The following PLXDC2 variants were observed in gnomAD, a reference collection of about 807,000 sequenced individuals.
The protein encoded by PLXDC2 is plexin domain containing 2.
In PLXDC2, 40 loss-of-function variants were observed where a neutral mutation model predicts 68.9. The observed-to-expected ratio is 0.58, with a 90% confidence interval of 0.45 to 0.76. The LOEUF (loss-of-function observed/expected upper bound fraction) is 0.76. Ranked by LOEUF, PLXDC2 falls within the 30% of genes least tolerant of loss-of-function variation. The pLI, the probability that PLXDC2 is intolerant of heterozygous loss-of-function variation, is 0.00. For synonymous variants in PLXDC2, 243 were observed against 234.2 expected (o/e 1.04, Z -0.34); for missense variants, 644 against 661.9 (o/e 0.97, Z 0.30).
chr10:20,244,808 T>A (rs908864466), intron 12 of PLXDC2, among the ~76,000 whole-genome samples: 4 of 152,132 alleles, frequency 2.6e-5, no homozygotes, highest in Non-Finnish European at 4.4e-5. Context: ...TCATTTTGCT[T>A]ATCAAACTAG....
At position 20,281,759 on chromosome 10, in the gene PLXDC2, G is replaced by A. The variant is rs951884673; in HGVS notation, c.*1940G>A. The A allele has an allele frequency of 6.6e-6, 1 of 152,122 alleles. No individual in the cohort carries two copies. The highest frequency in any genetic ancestry group is 2.1e-4 in the South Asian group (1 of 4,832). The allele number at this position is 152,122 out of a possible 1,614,324, so 9.4% of individuals were successfully genotyped here. Reference sequence around the variant, plus strand: ...ATCCCCACTTATTCTTGTGGAGCAGGTTTGGTGAGACAGCAATAACCAAAT... The same window carrying A: ...ATCCCCACTTATTCTTGTGGAGCAGATTTGGTGAGACAGCAATAACCAAAT... On this transcript the variant is annotated 3_prime_UTR_variant, in exon 14 of 14. Coordinates refer to ENST00000377252, the MANE Select transcript of PLXDC2 (RefSeq NM_032812.9).
intron 1 of PLXDC2, among the ~76,000 whole-genome samples, chr10:19,906,399 A>G (rs1209657664): frequency 6.6e-6 from 1 of 152,148 alleles, no homozygotes; most frequent in African/African-American, 2.4e-5. Flanking sequence ...TGTGGACAAG[A>G]GCTTGTATTA....
At chr10:20,053,710 A>G (rs1430091093) in intron 3 of PLXDC2, among the ~76,000 whole-genome samples, 1 of 151,970 alleles carries the variant, frequency 6.6e-6, no homozygotes, top group Non-Finnish European at 1.5e-5. Flanking sequence ...CTGATTCACA[A>G]CTCCTACAGA....
At chr10:19,878,281 A>T (rs1290980225) in intron 1 of PLXDC2, among the ~76,000 whole-genome samples, 1 of 151,820 alleles carries the variant, frequency 6.6e-6, no homozygotes, top group South Asian at 2.1e-4. Flanking sequence ...AGCTCATTGC[A>T]GCCTCAAACT....
chr10:20,015,751 A>T (rs1180364701), intron 2 of PLXDC2, among the ~76,000 whole-genome samples: 1 of 152,144 alleles, frequency 6.6e-6, no homozygotes, highest in Non-Finnish European at 1.5e-5. Context: ...TGAACCCAAC[A>T]TTCTGGGCAC....
intron 1 of PLXDC2, among the ~76,000 whole-genome samples, chr10:19,991,023 G>T (rs1834739940): frequency 6.6e-6 from 1 of 152,052 alleles, no homozygotes; most frequent in African/African-American, 2.4e-5. Flanking sequence ...GAGGCGGGTG[G>T]ATCACCTGAG....
chr10:20,030,075 G>A (rs1213331234), intron 2 of PLXDC2, among the ~76,000 whole-genome samples: 1 of 152,128 alleles, frequency 6.6e-6, no homozygotes, highest in Admixed American at 6.6e-5. Context: ...AAAAAAAATG[G>A]ATGCTACTTA....
At chr10:19,886,956 C>T (rs1239831201) in intron 1 of PLXDC2, among the ~76,000 whole-genome samples, 1 of 152,144 alleles carries the variant, frequency 6.6e-6, no homozygotes, top group Admixed American at 6.5e-5. Flanking sequence ...GACAATTTCA[C>T]TGTATACTTG....
chr10:20,275,069 GA>G (rs368103710), intron 13 of PLXDC2, among the ~76,000 whole-genome samples: 1 of 152,054 alleles, frequency 6.6e-6, no homozygotes, highest in Admixed American at 6.6e-5. Context: ...GAAATAGAGA[GA>G]AAAAAATTCC....
chr10:19,828,740 AAATAGGCATGGCCAATAAG>A (rs1347709412), intron 1 of PLXDC2, among the ~76,000 whole-genome samples: 7 of 152,206 alleles, frequency 4.6e-5, no homozygotes, highest in African/African-American at 1.2e-4. Flanking sequence ...AGGTGTTTGA[AAATAGGCATGGCCAATAAG>A]AAGCTGATTT....
At chr10:20,098,346 C>CAT (rs1833378292) in intron 4 of PLXDC2, among the ~76,000 whole-genome samples, 1 of 103,060 alleles carries the variant, frequency 9.7e-6, no homozygotes, top group Non-Finnish European at 2.1e-5. Flanking sequence ...CATTTTCGTG[C>CAT]GTGTGTGTGT....
chr10:20,186,448 T>G (rs1019411995), intron 9 of PLXDC2, among the ~76,000 whole-genome samples: 3 of 151,906 alleles, frequency 2.0e-5, no homozygotes, highest in Admixed American at 2.0e-4. Flanking sequence ...GAAGTACACA[T>G]GCAGGCTTGT....
intron 1 of PLXDC2, among the ~76,000 whole-genome samples, chr10:19,909,862 A>G (rs1254749239): frequency 2.0e-5 from 3 of 152,164 alleles, no homozygotes; most frequent in Non-Finnish European, 4.4e-5. Context: ...CAAATGCTGT[A>G]GGTACTATAA....
intron 13 of PLXDC2, among the ~76,000 whole-genome samples, chr10:20,253,667 T>C (rs1835707476): frequency 6.6e-6 from 1 of 152,086 alleles, no homozygotes; most frequent in South Asian, 2.1e-4. Context: ...CTGTAACTTT[T>C]CCAAAATAAG....
intron 3 of PLXDC2, among the ~76,000 whole-genome samples, chr10:20,058,151 G>A (rs1254596959): frequency 6.6e-6 from 1 of 152,072 alleles, no homozygotes; most frequent in East Asian, 1.9e-4. Flanking sequence ...TTTCTAATTG[G>A]TACGTAATAT....
intron 3 of PLXDC2, among the ~76,000 whole-genome samples, chr10:20,065,115 G>T (rs994255364): frequency 2.0e-5 from 3 of 152,102 alleles, no homozygotes; most frequent in Non-Finnish European, 2.9e-5. Context: ...GGCTTTAGGG[G>T]TAATCCAAAC....
chr10:20,208,132 A>G (rs1835017639), intron 9 of PLXDC2, among the ~76,000 whole-genome samples: 1 of 150,110 alleles, frequency 6.7e-6, no homozygotes, highest in Non-Finnish European at 1.5e-5. Flanking sequence ...GAGTAATATA[A>G]TTAACATGGA....
intron 1 of PLXDC2, among the ~76,000 whole-genome samples, chr10:19,889,072 A>T (rs1429811186): frequency 6.6e-6 from 1 of 152,078 alleles, no homozygotes; most frequent in African/African-American, 2.4e-5. Flanking sequence ...ATTTTTTATG[A>T]TAATATAATA....
intron 1 of PLXDC2, among the ~76,000 whole-genome samples, chr10:19,838,321 G>A (rs961393138): frequency 1.3e-5 from 2 of 152,094 alleles, no homozygotes; most frequent in Non-Finnish European, 2.9e-5. Flanking sequence ...TGTATTGCTA[G>A]AATAGATTAT....
Sources: allele counts gnomAD v4.1 joint callset (sites outside exome capture counted in the v4.1 genomes callset), GRCh38; gene constraint gnomAD v4.1.1; transcripts MANE v1.5; gene names NCBI Gene and HGNC (gene_info 2026-07-23, HGNC 2026-07-21).